Variants in DMD observed in about 807,000 individuals in gnomAD.
The protein encoded by DMD is dystrophin.
In DMD, 63 loss-of-function variants were observed where a neutral mutation model predicts 330.1. The observed-to-expected ratio is 0.19, with a 90% CI of 0.16 to 0.24. The LOEUF is 0.24. Ranked by LOEUF, DMD falls within the 10% of genes least tolerant of loss-of-function variation. The pLI is 1.00. For missense variants in DMD, 3,344 were observed against 2,684.1 expected, an observed-to-expected ratio of 1.25 and a Z score of -5.43; for synonymous variants, 1,223 against 959.8, an observed-to-expected ratio of 1.27 and a Z score of -5.07.
At chrX:31,617,534 CAAAAAAAAA>C (rs749572753) in intron 55 of DMD, among the ~76,000 whole-genome samples, 10 of 32,051 alleles carry the variant, frequency 3.1e-4, no homozygotes, top group African/African-American at 6.5e-4. Context: ...GACTTCGTCT[CAAAAAAAAA>C]AAAAAAAAAA....
At chrX:33,028,340 T>A (rs995191905) in intron 1 of DMD, among the ~76,000 whole-genome samples, 1 of 111,919 alleles carries the variant, frequency 8.9e-6, no homozygotes, top group Non-Finnish European at 1.9e-5. Context: ...GAAACTACAG[T>A]TCTGTTACAA....
chrX:32,818,729 G>A (rs1291380136), intron 5 of DMD, among the ~76,000 whole-genome samples: 2 of 110,945 alleles, frequency 1.8e-5, no homozygotes, highest in Admixed American at 9.6e-5. Flanking sequence ...TCCAGCTGTG[G>A]TCAGGCAGCT....
At chrX:32,836,683 G>C (rs2148931516) in intron 4 of DMD, among the ~76,000 whole-genome samples, 1 of 111,309 alleles carries the variant, frequency 9.0e-6, no homozygotes, top group Admixed American at 9.6e-5. Context: ...TTTCTCATGG[G>C]TTTTCATATG....
At chrX:32,353,285 T>C (rs1467269393) in intron 37 of DMD, among the ~76,000 whole-genome samples, 1 of 111,690 alleles carries the variant, frequency 9.0e-6, no homozygotes, top group Non-Finnish European at 1.9e-5. Context: ...AAATTCTACA[T>C]GTCATTCCTT....
At chrX:32,362,283 A>G in intron 37 of DMD, among the ~76,000 whole-genome samples, 1 of 53,621 alleles carries the variant, frequency 1.9e-5, no homozygotes, top group South Asian at 1.0e-3. Context: ...ACAACCAGTA[A>G]AGAGGTAAAA....
chrX:33,151,382 A>T (rs2048278806), intron 1 of DMD, among the ~76,000 whole-genome samples: 1 of 112,591 alleles, frequency 8.9e-6, no homozygotes, highest in Non-Finnish European at 1.9e-5. Context: ...ACAGAATATT[A>T]TTTCTGCTTT....
chrX:32,508,422 T>C lies in DMD; in HGVS notation c.2293-6580A>G, dbSNP rs373851990. 4.5e-5 allele frequency among the ~76,000 whole-genome samples: 5 copies of C among 111,440 alleles called. No individual in the cohort carries two copies. In the South Asian group the frequency reaches 1.5e-3, roughly 34 times the overall value. ...ACAGCTGTAGATAGTTGATTAAAAA[T>C]AATAAAATTTAGTATAACAAAGAGA... On this transcript the variant is annotated intron_variant, in intron 18 of 78. Transcript: ENST00000357033.
At chrX:33,267,993 A>ATTT (rs527255488) in intron 1 of DMD, among the ~76,000 whole-genome samples, 2,639 of 98,310 alleles carry the variant, frequency 0.027, 117 homozygotes, top group African/African-American at 0.096. Context: ...GGCATTGGCA[A>ATTT]TTTTTTTTTT....
At chrX:31,300,477 T>A (rs186476760) in intron 62 of DMD, among the ~76,000 whole-genome samples, 1 of 112,075 alleles carries the variant, frequency 8.9e-6, no homozygotes, top group Non-Finnish European at 1.9e-5. Flanking sequence ...GTGGTGGCCT[T>A]ATTTGTCTAC....
At chrX:32,788,628 A>T (rs2075587329) in intron 7 of DMD, among the ~76,000 whole-genome samples, 1 of 112,086 alleles carries the variant, frequency 8.9e-6, no homozygotes, top group African/African-American at 3.2e-5. Flanking sequence ...ATGTCCTGTC[A>T]GTAAAAGTTG....
At chrX:31,465,357 C>A in intron 59 of DMD, among the ~76,000 whole-genome samples, 1 of 110,715 alleles carries the variant, frequency 9.0e-6, no homozygotes, top group East Asian at 2.8e-4. Flanking sequence ...CCTCCCCTAA[C>A]CTCCCACCCC....
At chrX:31,528,684 A>G (rs1287310332) in intron 55 of DMD, among the ~76,000 whole-genome samples, 1 of 112,318 alleles carries the variant, frequency 8.9e-6, no homozygotes, top group Non-Finnish European at 1.9e-5. Flanking sequence ...ATTTCCCAAA[A>G]GTACCAGGTT....
intron 1 of DMD, among the ~76,000 whole-genome samples, chrX:33,246,005 T>C (rs1164264468): frequency 8.9e-6 from 1 of 112,080 alleles, no homozygotes; most frequent in Non-Finnish European, 1.9e-5. Flanking sequence ...ATTAATACTC[T>C]AGGAATTAAT....
chrX:31,346,980 T>TGGGG (rs2058113383), intron 61 of DMD, among the ~76,000 whole-genome samples: 1 of 74,242 alleles, frequency 1.3e-5, no homozygotes, highest in African/African-American at 5.6e-5. Context: ...ACAGCCTGGG[T>TGGGG]GACAGAATGA....
chrX:33,053,014 T>C (rs2148017028), intron 1 of DMD, among the ~76,000 whole-genome samples: 1 of 112,113 alleles, frequency 8.9e-6, no homozygotes, highest in East Asian at 2.8e-4. Flanking sequence ...CCCTAACAAA[T>C]TAAACTATCT....
intron 22 of DMD, among the ~76,000 whole-genome samples, chrX:32,471,025 C>T (rs1031142903): frequency 9.0e-6 from 1 of 111,342 alleles, no homozygotes; most frequent in Non-Finnish European, 1.9e-5. Flanking sequence ...ACCTGTAATC[C>T]CAGCACTTTG....
chrX:32,550,389 C>T (rs2049419496), intron 16 of DMD, among the ~76,000 whole-genome samples: 1 of 111,428 alleles, frequency 9.0e-6, no homozygotes, highest in Non-Finnish European at 1.9e-5. Flanking sequence ...TGAATGACCT[C>T]TGGGTAAACA....
chrX:32,555,472 A>G (rs971633768), intron 16 of DMD, among the ~76,000 whole-genome samples: 3 of 111,612 alleles, frequency 2.7e-5, no homozygotes, highest in African/African-American at 9.8e-5. Flanking sequence ...AATAAAGGGT[A>G]TTCACATAGG....
chrX:32,118,975 G>A (rs924655737), intron 44 of DMD, among the ~76,000 whole-genome samples: 2 of 111,145 alleles, frequency 1.8e-5, no homozygotes, highest in East Asian at 5.7e-4. Context: ...AAGTGGTAAT[G>A]CTGGCGGCCC....
Sources: gnomAD v4.1 joint callset for allele counts (sites outside exome capture counted in the v4.1 genomes callset) on GRCh38, gnomAD v4.1.1 for gene constraint, MANE v1.5 for transcripts, NCBI Gene and HGNC (gene_info 2026-07-23, HGNC 2026-07-21) for gene names.